Variants in SGCZ observed in about 807,000 individuals in gnomAD.
SGCZ encodes the protein sarcoglycan zeta, also known as zeta-sarcoglycan.
In SGCZ, 40 loss-of-function variants were observed where a neutral mutation model predicts 41.3. The ratio of observed to expected loss-of-function variants is 0.97; its 90% CI spans 0.75 to 1.26. The LOEUF (loss-of-function observed/expected upper bound fraction) is 1.26. Ranked by LOEUF, SGCZ falls within the 50% of genes most tolerant of loss-of-function variation. The pLI, the probability that SGCZ is intolerant of heterozygous loss-of-function variation, is 0.00. For missense variants in SGCZ, 552 were observed against 369.8 expected (o/e 1.49, Z -4.04); for synonymous variants, 206 against 137.5 (o/e 1.50, Z -3.49).
intron 1 of SGCZ, among the ~76,000 whole-genome samples, chr8:14,555,324 G>A (rs1804001728): frequency 6.6e-6 from 1 of 151,948 alleles, no homozygotes; most frequent in Admixed American, 6.6e-5. Context: ...CTCCAATGTT[G>A]GAGATGGCTC....
At chr8:14,662,553 T>A (rs1327288031) in intron 1 of SGCZ, among the ~76,000 whole-genome samples, 1 of 152,190 alleles carries the variant, frequency 6.6e-6, no homozygotes, top group East Asian at 1.9e-4. Context: ...TTACCACTCA[T>A]ACATGTGATA....
chr8:15,201,225 C>T (rs961187234), intron 1 of SGCZ, among the ~76,000 whole-genome samples: 4 of 152,104 alleles, frequency 2.6e-5, no homozygotes, highest in African/African-American at 7.2e-5. Flanking sequence ...CCATGTTGGC[C>T]GGGCTGGTCT....
chr8:14,579,057 A>C (rs943877255), intron 1 of SGCZ, among the ~76,000 whole-genome samples: 6 of 152,120 alleles, frequency 3.9e-5, no homozygotes, highest in Non-Finnish European at 7.4e-5. Flanking sequence ...CATTATTTGC[A>C]CAAAGTAAGC....
At chr8:15,031,173 T>A (rs1341804211) in intron 1 of SGCZ, among the ~76,000 whole-genome samples, 5 of 152,170 alleles carry the variant, frequency 3.3e-5, no homozygotes, top group African/African-American at 1.2e-4. Context: ...TATGGCACTT[T>A]TATTCTTAGT....
chr8:15,082,443 A>AGTGTGT lies in SGCZ; in HGVS notation c.39+155136_39+155141dup, dbSNP rs71209102. Among the ~76,000 whole-genome samples, 363 of 149,648 alleles carry AGTGTGT rather than the reference A, an allele frequency of 2.4e-3. 2 individuals are homozygous for AGTGTGT. The highest frequency in any genetic ancestry group is 6.3e-3 in the East Asian group (31 of 4,950). On this transcript the variant is annotated intron_variant, in intron 1 of 7. Transcript: ENST00000382080. Reference sequence around the variant, plus strand: ...ATATATGTGTGTGTGTATATCTCTAAGTGTGTGTGTGTGTATAAAACTGTT... The same window carrying AGTGTGT: ...ATATATGTGTGTGTGTATATCTCTAAGTGTGTGTGTGTGTGTGTGTATAAAACTGTT...
At position 14,763,971 on chromosome 8, in the gene SGCZ, C is replaced by A. The variant is rs1799965955; in HGVS notation, c.40-209045G>T. Among the ~76,000 whole-genome samples the A allele has an allele frequency of 2.6e-5, 4 of 152,202 alleles. No homozygotes were observed. In the South Asian group the frequency reaches 8.3e-4, roughly 32 times the overall value. On this transcript the variant is annotated intron_variant, in intron 1 of 7. Transcript: ENST00000382080. ...CGGTAATCAAGTAGTTATGGGTACA[C>A]CTGGTGTTCAGATGGGAGTTTCTAA...
chr8:14,937,875 T>C (rs950423346), intron 1 of SGCZ, among the ~76,000 whole-genome samples: 1 of 152,144 alleles, frequency 6.6e-6, no homozygotes, highest in African/African-American at 2.4e-5. Flanking sequence ...CTGATATTTT[T>C]AAAAATTCAT....
chr8:15,209,946 G>T lies in SGCZ; in HGVS notation c.39+27639C>A, dbSNP rs553790958. 1.2e-4 allele frequency among the ~76,000 whole-genome samples: 18 copies of T among 152,214 alleles called. 1 individual carries two copies. Among genetic ancestry groups the T allele is most frequent in the Admixed American group, 1.1e-3 (17 of 15,284 alleles). On this transcript the variant is annotated intron_variant, in intron 1 of 7. Coordinates refer to ENST00000382080, the MANE Select transcript of SGCZ (RefSeq NM_139167.4). Reference sequence around the variant, plus strand: ...TTTGACCAATTATATTTTAGGAGATGGCAGTTATGGAGTTTCTGGGAGGGA... The same window carrying T: ...TTTGACCAATTATATTTTAGGAGATTGCAGTTATGGAGTTTCTGGGAGGGA...
intron 3 of SGCZ, among the ~76,000 whole-genome samples, chr8:14,242,743 C>A (rs949900101): frequency 1.3e-5 from 2 of 152,012 alleles, no homozygotes; most frequent in Non-Finnish European, 2.9e-5. Flanking sequence ...AATGACACAG[C>A]TAAAAAAGGT....
chr8:14,753,955 G>A (rs1453034364), intron 1 of SGCZ, among the ~76,000 whole-genome samples: 1 of 152,028 alleles, frequency 6.6e-6, no homozygotes, highest in Non-Finnish European at 1.5e-5. Flanking sequence ...TTCTGCTTTA[G>A]TCTTTAAATA....
chr8:15,226,544 T>G (rs1801779651), intron 1 of SGCZ, among the ~76,000 whole-genome samples: 1 of 152,176 alleles, frequency 6.6e-6, no homozygotes, highest in South Asian at 2.1e-4. Context: ...AGGGTGCCCT[T>G]AGGCATTTTT....
At chr8:14,963,288 CCAAACAGTGGAAGCTAT>C (rs1801022781) in intron 1 of SGCZ, among the ~76,000 whole-genome samples, 1 of 151,732 alleles carries the variant, frequency 6.6e-6, no homozygotes, top group Admixed American at 6.6e-5. Context: ...TGTAACAGTT[CCAAACAGTGGAAGCTAT>C]CCAGTGAGGT....
At chr8:14,229,449 G>T (rs1343294547) in intron 4 of SGCZ, among the ~76,000 whole-genome samples, 1 of 151,726 alleles carries the variant, frequency 6.6e-6, no homozygotes, top group Non-Finnish European at 1.5e-5. Flanking sequence ...TCCTCAAATG[G>T]ATTAATTAAT....
At chr8:14,953,416 C>G (rs527996380) in intron 1 of SGCZ, among the ~76,000 whole-genome samples, 8 of 152,250 alleles carry the variant, frequency 5.3e-5, no homozygotes, top group Non-Finnish European at 1.0e-4. Context: ...GGTCCCTCCC[C>G]CAAAACTGGG....
At chr8:15,161,082 C>T (rs79217612) in intron 1 of SGCZ, among the ~76,000 whole-genome samples, 1,596 of 152,134 alleles carry the variant, frequency 0.01, 28 homozygotes, top group African/African-American at 0.036. Flanking sequence ...CTTGCAGTGG[C>T]CTCTCAAATC....
intron 1 of SGCZ, among the ~76,000 whole-genome samples, chr8:14,884,571 C>T (rs78032718): frequency 0.049 from 7,474 of 151,612 alleles, 219 homozygotes; most frequent in Non-Finnish European, 0.061. Flanking sequence ...AAGGAGAAAT[C>T]AAAATTAGAG....
chr8:14,706,377 T>C (rs2117612056), intron 1 of SGCZ, among the ~76,000 whole-genome samples: 1 of 152,240 alleles, frequency 6.6e-6, no homozygotes, highest in East Asian at 1.9e-4. Flanking sequence ...GCCAACATTT[T>C]CCCATATGTA....
rs189654163 is a variant in SGCZ, at chr8:14,718,596, T to C, written c.40-163670A>G. On this transcript the variant is annotated intron_variant, in intron 1 of 7. Coordinates refer to ENST00000382080, the MANE Select transcript of SGCZ (RefSeq NM_139167.4). ...TAGTAAACTATACATAGCCTATACA[T>C]ATACAATTTAACAATGCTTAGAACT... 3.9e-5 allele frequency among the ~76,000 whole-genome samples: 6 copies of C among 152,040 alleles called. No individual in the cohort carries two copies. In the East Asian group the frequency reaches 1.2e-3, roughly 29 times the overall value.
At chr8:14,584,609 G>T (rs1805000986) in intron 1 of SGCZ, among the ~76,000 whole-genome samples, 1 of 152,060 alleles carries the variant, frequency 6.6e-6, no homozygotes. Context: ...TTTGAGCAAA[G>T]ATGTCAAAAG....
Sources: gnomAD v4.1 joint callset for allele counts (sites outside exome capture counted in the v4.1 genomes callset) on GRCh38, gnomAD v4.1.1 for gene constraint, MANE v1.5 for transcripts, NCBI Gene and HGNC (gene_info 2026-07-23, HGNC 2026-07-21) for gene names.